ATRNL1: variants seen among roughly 807,000 people sequenced by gnomAD.
The protein encoded by ATRNL1 is attractin-like protein 1.
In ATRNL1, 95 loss-of-function variants were observed where a neutral mutation model predicts 182.7. The ratio of observed to expected loss-of-function variants is 0.52; its 90% CI spans 0.44 to 0.62. The LOEUF (loss-of-function observed/expected upper bound fraction) is 0.62. ATRNL1 is among the 20% of genes least tolerant of loss of function. The pLI, the probability that ATRNL1 is intolerant of heterozygous loss-of-function variation, is 0.00. For missense variants in ATRNL1, 1,471 were observed against 1,679.5 expected (o/e 0.88, Z 2.17); for synonymous variants, 576 against 568.3 (o/e 1.01, Z -0.19).
intron 17 of ATRNL1, among the ~76,000 whole-genome samples, chr10:115,308,273 T>C (rs1853835522): frequency 6.6e-6 from 1 of 152,170 alleles, no homozygotes; most frequent in Admixed American, 6.5e-5. Flanking sequence ...TAGTAATTGA[T>C]ATATTTTGGG....
intron 8 of ATRNL1, among the ~76,000 whole-genome samples, chr10:115,173,818 T>C (rs1847385772): frequency 1.3e-5 from 2 of 151,692 alleles, no homozygotes; most frequent in South Asian, 4.1e-4. Context: ...CCCTTTATTG[T>C]TATTATTGTT....
intron 26 of ATRNL1, among the ~76,000 whole-genome samples, chr10:115,704,265 C>A (rs1946829833): frequency 6.6e-6 from 1 of 151,964 alleles, no homozygotes; most frequent in Non-Finnish European, 1.5e-5. Context: ...GTAAGTGCAT[C>A]CCTTTGATCT....
At chr10:115,579,360 T>C (rs1854927927) in intron 26 of ATRNL1, among the ~76,000 whole-genome samples, 1 of 151,874 alleles carries the variant, frequency 6.6e-6, no homozygotes, top group African/African-American at 2.4e-5. Context: ...TATGTTTATA[T>C]TCTCTGATCT....
intron 19 of ATRNL1, among the ~76,000 whole-genome samples, chr10:115,368,412 C>T (rs991141104): frequency 5.9e-5 from 9 of 152,330 alleles, no homozygotes; most frequent in African/African-American, 1.7e-4. Flanking sequence ...CACTGACCTG[C>T]ACCCACTGTA....
At chr10:115,287,925 T>C (rs1033586733) in intron 15 of ATRNL1, among the ~76,000 whole-genome samples, 1 of 22,972 alleles carries the variant, frequency 4.4e-5, no homozygotes, top group Non-Finnish European at 2.3e-4. Flanking sequence ...AGATCAACTG[T>C]TTTTTTTTTT....
chr10:115,273,643 C>T (rs1455417145), intron 13 of ATRNL1, among the ~76,000 whole-genome samples: 1 of 152,220 alleles, frequency 6.6e-6, no homozygotes, highest in African/African-American at 2.4e-5. Context: ...GAAGGGATAG[C>T]AGAACTTCAG....
chr10:115,803,098 G>C (rs1028054948), intron 27 of ATRNL1, among the ~76,000 whole-genome samples: 1 of 152,158 alleles, frequency 6.6e-6, no homozygotes, highest in Non-Finnish European at 1.5e-5. Context: ...GCCAGTACTA[G>C]AAATGCTGTC....
intron 26 of ATRNL1, among the ~76,000 whole-genome samples, chr10:115,625,407 CATAAT>C (rs1858029680): frequency 6.6e-6 from 1 of 152,156 alleles, no homozygotes; most frequent in Non-Finnish European, 1.5e-5. Context: ...TTTCCACACT[CATAAT>C]TTAATGCTAT....
Position 115,687,756 on chromosome 10 carries a change from TC to T in ATRNL1, c.3796-39491del, listed in dbSNP as rs1555046755. Among the ~76,000 whole-genome samples the T allele has an allele frequency of 2.6e-5, 4 of 152,216 alleles. No individual in the cohort carries two copies. In the East Asian group the frequency reaches 7.7e-4, roughly 29 times the overall value. Reference sequence around the variant, plus strand: ...AGGCAAAAATTATATAATGTTCAATTCAGGGTAATTGGAGTATCAATCATCT... The same window carrying T: ...AGGCAAAAATTATATAATGTTCAATTAGGGTAATTGGAGTATCAATCATCT... On this transcript the variant is annotated intron_variant, in intron 26 of 28. Transcript: ENST00000355044.
intron 19 of ATRNL1, among the ~76,000 whole-genome samples, chr10:115,341,565 A>C (rs1015692918): frequency 6.6e-6 from 1 of 151,888 alleles, no homozygotes; most frequent in Admixed American, 6.6e-5. Context: ...TTCTTTGTTG[A>C]TTTTCTTCGA....
chr10:115,115,084 T>C (rs1349383158), intron 1 of ATRNL1, among the ~76,000 whole-genome samples: 1 of 152,140 alleles, frequency 6.6e-6, no homozygotes, highest in Admixed American at 6.6e-5. Flanking sequence ...TGTGACAACA[T>C]AGATGAAACT....
chr10:115,766,769 C>G (rs1413943563), intron 27 of ATRNL1, among the ~76,000 whole-genome samples: 1 of 152,114 alleles, frequency 6.6e-6, no homozygotes, highest in Admixed American at 6.6e-5. Flanking sequence ...TAAATCCTTT[C>G]TTATCTTCAG....
chr10:115,557,941 A>T (rs1453408208), intron 26 of ATRNL1, among the ~76,000 whole-genome samples: 1 of 151,926 alleles, frequency 6.6e-6, no homozygotes, highest in Non-Finnish European at 1.5e-5. Flanking sequence ...AGTACTTGGG[A>T]GGCTGAGGCA....
At chr10:115,570,173 A>C (rs568786913) in intron 26 of ATRNL1, among the ~76,000 whole-genome samples, 1 of 152,340 alleles carries the variant, frequency 6.6e-6, no homozygotes, top group East Asian at 1.9e-4. Context: ...CATGTTGGCC[A>C]GGCTGATCTC....
At chr10:115,468,982 T>A (rs1286615099) in intron 23 of ATRNL1, among the ~76,000 whole-genome samples, 190 bp from the exon 24 acceptor site, 1 of 150,716 alleles carries the variant, frequency 6.6e-6, no homozygotes, top group Non-Finnish European at 1.5e-5. Context: ...GTAGCATTTT[T>A]AAAAATAATT....
intron 7 of ATRNL1, among the ~76,000 whole-genome samples, chr10:115,168,999 G>A (rs1354448501): frequency 2.1e-5 from 3 of 146,162 alleles, no homozygotes; most frequent in Non-Finnish European, 3.0e-5. Context: ...TATATAGTAT[G>A]CAGTAAGGGT....
chr10:115,362,519 GTTT>G (rs148493482), intron 19 of ATRNL1, among the ~76,000 whole-genome samples: 1 of 139,886 alleles, frequency 7.1e-6, no homozygotes, highest in African/African-American at 2.6e-5. Flanking sequence ...GCAGTACATT[GTTT>G]TTTTTTTTTT....
At chr10:115,120,498 TATTAA>T (rs1378929591) in intron 2 of ATRNL1, among the ~76,000 whole-genome samples, 5 of 152,082 alleles carry the variant, frequency 3.3e-5, no homozygotes, top group Non-Finnish European at 7.4e-5. Flanking sequence ...GTTATTGTGG[TATTAA>T]ATTGAGTAGG....
At chr10:115,215,571 A>G in intron 8 of ATRNL1, 126 bp from the exon 9 acceptor site, 5 of 747,634 alleles carry the variant, frequency 6.7e-6, no homozygotes, top group Non-Finnish European at 8.2e-6. Context: ...TTAAATTAAT[A>G]TTAGATATAC....
Sources: gnomAD v4.1 joint callset for allele counts (sites outside exome capture counted in the v4.1 genomes callset) on GRCh38, gnomAD v4.1.1 for gene constraint, MANE v1.5 for transcripts, NCBI Gene and HGNC (gene_info 2026-07-23, HGNC 2026-07-21) for gene names.